Variants in PPP2R3A observed in about 807,000 individuals in gnomAD.
The protein encoded by PPP2R3A is protein phosphatase 2 regulatory subunit B''alpha, also known as serine/threonine-protein phosphatase 2A regulatory subunit B'' subunit alpha.
Under a neutral mutation model 106.9 loss-of-function variants are expected in PPP2R3A, and 80 were observed. That is an observed-to-expected ratio of 0.75 (90% CI 0.62 to 0.90). The LOEUF (loss-of-function observed/expected upper bound fraction) is 0.90. Among genes scored for constraint, PPP2R3A ranks in the 40% least tolerant of loss-of-function variants. The probability of loss-of-function intolerance (pLI) is 0.00; values close to 1 mark genes in which losing one functional copy is unlikely to be tolerated. For missense variants in PPP2R3A, 1,386 were observed against 1,350.4 expected, an observed-to-expected ratio of 1.03 and a Z score of -0.41; for synonymous variants, 483 against 468.3, an observed-to-expected ratio of 1.03 and a Z score of -0.41.
intron 2 of PPP2R3A, among the ~76,000 whole-genome samples, chr3:136,004,820 A>AT (rs1250282106): frequency 6.6e-6 from 1 of 152,242 alleles, no homozygotes; most frequent in Non-Finnish European, 1.5e-5. Flanking sequence ...TGGGTAGTAG[A>AT]TCTGTAAGTA....
At chr3:136,136,062 A>T (rs1481993588) in intron 13 of PPP2R3A, among the ~76,000 whole-genome samples, 1,259 of 58,192 alleles carry the variant, frequency 0.022, 84 homozygotes, top group African/African-American at 0.055. Flanking sequence ...AAAAAAAAAA[A>T]AAAAAAAAAA....
intron 4 of PPP2R3A, among the ~76,000 whole-genome samples, chr3:136,042,916 CATG>C (rs963042108): frequency 6.6e-6 from 1 of 151,836 alleles, no homozygotes; most frequent in Non-Finnish European, 1.5e-5. Context: ...AGCAGCTAAA[CATG>C]GTGGTGTGAG....
chr3:135,969,107 G>A (rs973384050), intron 1 of PPP2R3A, among the ~76,000 whole-genome samples: 8 of 152,086 alleles, frequency 5.3e-5, no homozygotes, highest in African/African-American at 1.9e-4. Flanking sequence ...ATTTACATAA[G>A]TATATATTTA....
intron 4 of PPP2R3A, among the ~76,000 whole-genome samples, chr3:136,043,161 TA>T (rs912724135): frequency 6.6e-6 from 1 of 151,356 alleles, no homozygotes; most frequent in African/African-American, 2.4e-5. Context: ...ATAAAAGTCA[TA>T]AGAATATAGG....
At chr3:136,073,885 A>G (rs2107914704) in intron 6 of PPP2R3A, among the ~76,000 whole-genome samples, 1 of 152,340 alleles carries the variant, frequency 6.6e-6, no homozygotes, top group Middle Eastern at 3.4e-3. Flanking sequence ...CTAGTATGAA[A>G]TTAATTTTGT....
intron 1 of PPP2R3A, among the ~76,000 whole-genome samples, chr3:135,976,738 G>T (rs1937431725): frequency 6.6e-6 from 1 of 152,032 alleles, no homozygotes; most frequent in African/African-American, 2.4e-5. Flanking sequence ...TATGGCGTTT[G>T]ATTTTACTTA....
At chr3:136,067,452 A>G (rs536260540) in intron 5 of PPP2R3A, among the ~76,000 whole-genome samples, 8 of 152,310 alleles carry the variant, frequency 5.3e-5, no homozygotes, top group Non-Finnish European at 7.3e-5. Flanking sequence ...AAAGTTTTCT[A>G]GTCATAGTGC....
At chr3:135,988,758 C>T (rs1933031622) in intron 1 of PPP2R3A, among the ~76,000 whole-genome samples, 1 of 152,132 alleles carries the variant, frequency 6.6e-6, no homozygotes, top group Non-Finnish European at 1.5e-5. Context: ...TCTCTGCTTC[C>T]TCATGGTATT....
intron 5 of PPP2R3A, among the ~76,000 whole-genome samples, chr3:136,052,646 C>G (rs1935721834): frequency 6.6e-6 from 1 of 152,166 alleles, no homozygotes; most frequent in South Asian, 2.1e-4. Context: ...TTAATAAAAG[C>G]TTTGACAGGA....
chr3:136,034,580 G>C (rs1388069189), intron 3 of PPP2R3A, among the ~76,000 whole-genome samples: 2 of 152,210 alleles, frequency 1.3e-5, no homozygotes, highest in Non-Finnish European at 2.9e-5. Context: ...ACTGTAGTCT[G>C]AGAGAGTGCT....
At chr3:136,112,934 A>T (rs1342330143) in intron 13 of PPP2R3A, among the ~76,000 whole-genome samples, 1 of 152,110 alleles carries the variant, frequency 6.6e-6, no homozygotes, top group Non-Finnish European at 1.5e-5. Flanking sequence ...GGAGTTCAAG[A>T]CCAGCCTGGC....
intron 1 of PPP2R3A, among the ~76,000 whole-genome samples, chr3:135,976,202 G>A (rs1163153951): frequency 6.9e-6 from 1 of 145,778 alleles, no homozygotes; most frequent in Non-Finnish European, 1.5e-5. Flanking sequence ...AAGTATAACT[G>A]TAAGTTTCGG....
intron 9 of PPP2R3A, among the ~76,000 whole-genome samples, chr3:136,088,345 CG>C (rs1294758981): frequency 6.6e-6 from 1 of 152,154 alleles, no homozygotes. Flanking sequence ...TGAGAACATA[CG>C]GTATTTGGTT....
intron 5 of PPP2R3A, among the ~76,000 whole-genome samples, chr3:136,052,123 A>G (rs538936785): frequency 7.5e-4 from 115 of 152,344 alleles, no homozygotes; most frequent in Non-Finnish European, 1.3e-3. Context: ...AATCTTCAAT[A>G]TTTGAACTGC....
At chr3:136,123,040 C>A (rs1159596858) in intron 13 of PPP2R3A, among the ~76,000 whole-genome samples, 1 of 151,976 alleles carries the variant, frequency 6.6e-6, no homozygotes, top group Admixed American at 6.6e-5. Flanking sequence ...AGTTCCATAT[C>A]CCAGAAATAA....
intron 5 of PPP2R3A, among the ~76,000 whole-genome samples, chr3:136,056,132 A>G (rs1462796040): frequency 6.6e-6 from 1 of 152,214 alleles, no homozygotes; most frequent in Non-Finnish European, 1.5e-5. Context: ...GATTCCAGTA[A>G]TGAAATATCC....
intron 4 of PPP2R3A, among the ~76,000 whole-genome samples, chr3:136,044,570 CAAAAAAAAAA>C (rs1247139572): frequency 1.3e-5 from 1 of 76,080 alleles, no homozygotes; most frequent in African/African-American, 6.0e-5. Flanking sequence ...GACCCTGTCT[CAAAAAAAAAA>C]AAAAAAAAAA....
At chr3:136,125,158 T>G (rs771085356) in intron 13 of PPP2R3A, among the ~76,000 whole-genome samples, 1 of 152,020 alleles carries the variant, frequency 6.6e-6, no homozygotes, top group Non-Finnish European at 1.5e-5. Flanking sequence ...TTGTCTGTAC[T>G]AAAAATACAA....
Position 136,105,271 on chromosome 3 carries a change from T to TG in PPP2R3A, c.3223-943dup, listed in dbSNP as rs1937486512. On this transcript the variant is annotated intron_variant, in intron 12 of 13. Transcript: ENST00000264977. ...GTGGCAAACCACAAGTCACTCCAGG[T>TG]GGCTGCTGTGCAAAGTGCCAGAGGA... 3.9e-5 allele frequency among the ~76,000 whole-genome samples: 6 copies of TG among 152,268 alleles called. No homozygotes were observed. In the South Asian group the frequency reaches 1.0e-3, roughly 26 times the overall value.
Sources: gnomAD v4.1 joint callset for allele counts (sites outside exome capture counted in the v4.1 genomes callset) on GRCh38, gnomAD v4.1.1 for gene constraint, MANE v1.5 for transcripts, NCBI Gene and HGNC (gene_info 2026-07-23, HGNC 2026-07-21) for gene names.